PDE1A: variants seen among roughly 807,000 people sequenced by gnomAD.
PDE1A encodes the protein dual specificity calcium/calmodulin-dependent 3',5'-cyclic nucleotide phosphodiesterase 1A.
A neutral mutation model predicts 61.7 loss-of-function variants in PDE1A; 35 were observed. The observed-to-expected ratio is 0.57, with a 90% CI of 0.43 to 0.75. PDE1A has a LOEUF of 0.75. Ranked by LOEUF, PDE1A falls within the 30% of genes least tolerant of loss-of-function variation. PDE1A has a pLI of 0.00. For synonymous variants in PDE1A, 232 were observed against 213.2 expected (o/e 1.09, Z -0.77); for missense variants, 597 against 630.6 (o/e 0.95, Z 0.57).
At chr2:182,595,749 G>C in the PDE1A span, among the ~76,000 whole-genome samples, 3 of 152,178 alleles carry the variant, frequency 2.0e-5, no homozygotes, top group Non-Finnish European at 4.4e-5. Flanking sequence ...TGGATCTCTT[G>C]ATATGACTTG....
the PDE1A span, among the ~76,000 whole-genome samples, chr2:182,539,613 A>G: frequency 2.4e-4 from 37 of 152,370 alleles, no homozygotes; most frequent in African/African-American, 8.4e-4. Context: ...ATTTTGTTAT[A>G]TACATCACAT....
chr2:182,183,491 G>T (rs1403659982), intron 13 of PDE1A, among the ~76,000 whole-genome samples: 1 of 152,088 alleles, frequency 6.6e-6, no homozygotes, highest in Non-Finnish European at 1.5e-5. Context: ...CTTGGAATGG[G>T]AAGGCAGCAA....
chr2:182,593,124 A>T, the PDE1A span, among the ~76,000 whole-genome samples: 2 of 152,252 alleles, frequency 1.3e-5, no homozygotes, highest in Non-Finnish European at 2.9e-5. Flanking sequence ...AGAGTCTTCC[A>T]GGGAAAAAGA....
chr2:182,551,481 T>C, the PDE1A span, among the ~76,000 whole-genome samples: 1 of 152,098 alleles, frequency 6.6e-6, no homozygotes, highest in East Asian at 1.9e-4. Context: ...AGAAAAAGAA[T>C]GATCTGAAAG....
intron 2 of PDE1A, among the ~76,000 whole-genome samples, chr2:182,452,212 T>C (rs1024145824): frequency 5.3e-5 from 8 of 152,112 alleles, no homozygotes; most frequent in African/African-American, 1.9e-4. Context: ...TGAGGTAACA[T>C]TGTAACCCGC....
intron 7 of PDE1A, among the ~76,000 whole-genome samples, chr2:182,206,458 T>C (rs1687110469): frequency 6.6e-6 from 1 of 152,188 alleles, no homozygotes; most frequent in Admixed American, 6.5e-5. Flanking sequence ...GTGTTGTACA[T>C]TCTATGCGTT....
At chr2:182,503,048 CACACACACACACACACACACACACAT>C (rs1027186204) in intron 2 of PDE1A, among the ~76,000 whole-genome samples, 7 of 59,236 alleles carry the variant, frequency 1.2e-4, no homozygotes, top group Non-Finnish European at 2.6e-4. Context: ...CTTACACACA[CACACACACACACACACACACACACAT>C]ACACACACAC....
intron 1 of PDE1A, among the ~76,000 whole-genome samples, chr2:182,416,930 G>T (rs1005961484): frequency 6.6e-6 from 1 of 152,168 alleles, no homozygotes; most frequent in Non-Finnish European, 1.5e-5. Flanking sequence ...TATCTCAGGG[G>T]AATGGTGACC....
the PDE1A span, among the ~76,000 whole-genome samples, chr2:182,675,901 C>T: frequency 3.1e-3 from 475 of 152,198 alleles, 3 homozygotes; most frequent in African/African-American, 0.011. Flanking sequence ...ATTCTGTAGG[C>T]TGTCCATTTA....
At chr2:182,520,105 A>G (rs1349873163) in intron 2 of PDE1A, among the ~76,000 whole-genome samples, 1 of 151,940 alleles carries the variant, frequency 6.6e-6, no homozygotes, top group African/African-American at 2.4e-5. Context: ...TTCTGTTTGA[A>G]TCAATATTGC....
chr2:182,361,431 T>G (rs1005462463), intron 1 of PDE1A, among the ~76,000 whole-genome samples: 1 of 152,074 alleles, frequency 6.6e-6, no homozygotes, highest in Non-Finnish European at 1.5e-5. Context: ...GATTTGTAAA[T>G]CTAAACATGA....
At chr2:182,167,848 A>G (rs2125311946), downstream of PDE1A, 2 of 941,502 alleles carry the variant, frequency 2.1e-6, no homozygotes, top group African/African-American at 1.8e-5. Flanking sequence ...TTTAATTTGC[A>G]CTACATTTTT....
chr2:182,605,652 CA>C, the PDE1A span, among the ~76,000 whole-genome samples: 1 of 152,176 alleles, frequency 6.6e-6, no homozygotes, highest in Non-Finnish European at 1.5e-5. Flanking sequence ...ACATAAAGTA[CA>C]AAAAGTCATC....
At chr2:182,250,207 G>A (rs957533856) in intron 2 of PDE1A, among the ~76,000 whole-genome samples, 2 of 152,082 alleles carry the variant, frequency 1.3e-5, no homozygotes, top group Non-Finnish European at 2.9e-5. Flanking sequence ...AAAAAGAATT[G>A]ATCTTAAAAA....
chr2:182,265,895 C>T (rs1041075487), intron 1 of PDE1A, among the ~76,000 whole-genome samples: 10 of 152,054 alleles, frequency 6.6e-5, no homozygotes, highest in Non-Finnish European at 8.8e-5. Context: ...GAGTAGATTG[C>T]GGCTACTTTT....
intron 1 of PDE1A, among the ~76,000 whole-genome samples, chr2:182,267,843 T>C (rs1464231129): frequency 6.6e-6 from 1 of 152,124 alleles, no homozygotes; most frequent in Non-Finnish European, 1.5e-5. Context: ...TTGTATGTTC[T>C]GTACTGGTGG....
intron 1 of PDE1A, among the ~76,000 whole-genome samples, chr2:182,328,700 G>GA (rs1697208000): frequency 6.6e-6 from 1 of 152,092 alleles, no homozygotes; most frequent in Non-Finnish European, 1.5e-5. Context: ...AGAGTGAGGA[G>GA]AAAATCTAGA....
the PDE1A span, among the ~76,000 whole-genome samples, chr2:182,678,105 A>C: frequency 6.6e-6 from 1 of 152,198 alleles, no homozygotes. Flanking sequence ...ATTGTATAGG[A>C]TGTATTAGTT....
the PDE1A span, among the ~76,000 whole-genome samples, chr2:182,684,927 T>C: frequency 6.6e-6 from 1 of 152,040 alleles, no homozygotes; most frequent in Non-Finnish European, 1.5e-5. Context: ...CATTCATACA[T>C]TCCCAATGAG....
Sources: allele counts gnomAD v4.1 joint callset (sites outside exome capture counted in the v4.1 genomes callset), GRCh38; gene constraint gnomAD v4.1.1; transcripts MANE v1.5; gene names NCBI Gene and HGNC (gene_info 2026-07-23, HGNC 2026-07-21).